GRM8: variants seen among roughly 807,000 people sequenced by gnomAD.
GRM8 encodes the protein glutamate metabotropic receptor 8, also known as metabotropic glutamate receptor 8.
Under a neutral mutation model 87.2 loss-of-function variants are expected in GRM8, and 47 were observed. That is an observed-to-expected ratio of 0.54 (90% CI 0.43 to 0.69). The LOEUF is 0.69. GRM8 is among the 30% of genes least tolerant of loss of function. The pLI is 0.00. For missense variants in GRM8, 1,019 were observed against 1,139.2 expected (o/e 0.89, Z 1.52); for synonymous variants, 396 against 404.5 (o/e 0.98, Z 0.25).
intron 9 of GRM8, among the ~76,000 whole-genome samples, chr7:126,466,269 G>A (rs931299335): frequency 1.3e-5 from 2 of 151,782 alleles, no homozygotes; most frequent in South Asian, 4.2e-4. Flanking sequence ...TTATTAATAG[G>A]ATATAAGAGA....
intron 6 of GRM8, among the ~76,000 whole-genome samples, chr7:126,871,104 G>C (rs752119479): frequency 6.6e-6 from 1 of 152,120 alleles, no homozygotes; most frequent in African/African-American, 2.4e-5. Flanking sequence ...AATGTCTTCT[G>C]AAAATGACTT....
intron 6 of GRM8, among the ~76,000 whole-genome samples, chr7:126,784,336 C>T (rs1006501612): frequency 6.6e-6 from 1 of 152,134 alleles, no homozygotes; most frequent in African/African-American, 2.4e-5. Context: ...AAAATATTTT[C>T]ATCTTTAAAC....
At chr7:126,604,868 C>A (rs1001065388) in intron 8 of GRM8, among the ~76,000 whole-genome samples, 36 of 152,174 alleles carry the variant, frequency 2.4e-4, no homozygotes, top group African/African-American at 8.7e-4. Flanking sequence ...AATTCAGTTT[C>A]TCCTTCAAAT....
At chr7:127,020,228 GAA>G (rs1394457511) in intron 3 of GRM8, among the ~76,000 whole-genome samples, 3 of 152,078 alleles carry the variant, frequency 2.0e-5, no homozygotes, top group Non-Finnish European at 4.4e-5. Context: ...AGCTATGCTA[GAA>G]AAGAACTTTC....
intron 6 of GRM8, among the ~76,000 whole-genome samples, chr7:126,773,924 A>T (rs993338527): frequency 6.6e-6 from 1 of 152,168 alleles, no homozygotes; most frequent in Admixed American, 6.6e-5. Flanking sequence ...CATATTTAAA[A>T]TTGTACTATT....
intron 3 of GRM8, among the ~76,000 whole-genome samples, chr7:127,051,699 A>G (rs1312719121): frequency 7.0e-6 from 1 of 142,200 alleles, no homozygotes; most frequent in East Asian, 2.2e-4. Context: ...CTGGAGTTCC[A>G]TGTATCAACA....
rs542114844 is a variant in GRM8 at position 127,011,211 on chromosome 7, G to A, written c.727+95285C>T. Among the ~76,000 whole-genome samples the A allele has an allele frequency of 6.6e-5, 10 of 152,144 alleles. No individual in the cohort carries two copies. In the East Asian group the frequency reaches 1.2e-3, roughly 18 times the overall value. ...CCTTAAAACTCACAGCAATACTTAC[G>A]AAATTGGACACCCTTGGCCTTTCAC... On this transcript the variant is annotated intron_variant, in intron 3 of 10. Coordinates refer to ENST00000339582, the MANE Select transcript of GRM8 (RefSeq NM_000845.3).
At chr7:126,605,936 T>C (rs1798301061) in intron 8 of GRM8, among the ~76,000 whole-genome samples, 2 of 152,196 alleles carry the variant, frequency 1.3e-5, no homozygotes, top group Non-Finnish European at 2.9e-5. Flanking sequence ...CTCCTTCTAA[T>C]CTGTGAGTTC....
intron 2 of GRM8, among the ~76,000 whole-genome samples, chr7:127,130,232 G>A (rs1827607227): frequency 6.6e-6 from 1 of 152,000 alleles, no homozygotes; most frequent in Non-Finnish European, 1.5e-5. Flanking sequence ...TATTTTTATA[G>A]CAGCATGAGA....
chr7:127,185,357 T>C (rs530759323), intron 2 of GRM8, among the ~76,000 whole-genome samples: 5 of 152,106 alleles, frequency 3.3e-5, no homozygotes, highest in African/African-American at 1.2e-4. Context: ...GGCAATTCAA[T>C]GGAAAAAGAG....
intron 2 of GRM8, among the ~76,000 whole-genome samples, chr7:127,141,922 C>T (rs748271671): frequency 1.3e-5 from 2 of 152,026 alleles, no homozygotes; most frequent in African/African-American, 2.4e-5. Context: ...GCAGCAAATG[C>T]TTTCAGAGCT....
chr7:126,767,373 C>CTT (rs1313679954), intron 7 of GRM8, among the ~76,000 whole-genome samples: 17 of 152,050 alleles, frequency 1.1e-4, no homozygotes, highest in African/African-American at 4.1e-4. Context: ...CCAGAGAAGA[C>CTT]TTCTGCTTTT....
intron 7 of GRM8, among the ~76,000 whole-genome samples, chr7:126,679,328 A>G (rs993012614): frequency 1.3e-5 from 2 of 152,220 alleles, no homozygotes; most frequent in Non-Finnish European, 2.9e-5. Flanking sequence ...GGACGCATGG[A>G]CAAACAATTC....
At chr7:126,809,029 G>A (rs1192650771) in intron 6 of GRM8, among the ~76,000 whole-genome samples, 3 of 152,092 alleles carry the variant, frequency 2.0e-5, no homozygotes, top group Non-Finnish European at 1.5e-5. Context: ...CACCAGAGTT[G>A]CATTAGTCCT....
chr7:126,569,156 A>G (rs949866594), intron 8 of GRM8, among the ~76,000 whole-genome samples: 5 of 152,162 alleles, frequency 3.3e-5, no homozygotes, highest in African/African-American at 1.2e-4. Context: ...AAGATCCACA[A>G]CTATCTAACA....
chr7:127,147,745 C>G (rs1828630743), intron 2 of GRM8, among the ~76,000 whole-genome samples: 1 of 148,912 alleles, frequency 6.7e-6, no homozygotes, highest in Admixed American at 6.7e-5. Context: ...TGCCTGAATC[C>G]TTTTACACTT....
In GRM8 at chr7:127,009,002, T is replaced by G. The variant is rs1449256492; in HGVS notation, c.727+97494A>C. 2.6e-5 allele frequency among the ~76,000 whole-genome samples: 4 copies of G among 152,264 alleles called. No individual in the cohort carries two copies. The East Asian group carries it at 7.7e-4, about 29-fold the overall frequency. ...TCATACACTTCATTTGCATTCTTTC[T>G]TCTTTTAGTTTGCCAGGCTATGTTG... On this transcript the variant is annotated intron_variant, in intron 3 of 10. Coordinates refer to ENST00000339582, the MANE Select transcript of GRM8 (RefSeq NM_000845.3).
In GRM8 at chr7:126,690,239, C is replaced by T. The variant is rs892537148; in HGVS notation, c.1357+79626G>A. Among the ~76,000 whole-genome samples, 9 of 152,326 alleles carry T rather than the reference C, an allele frequency of 5.9e-5. No individual in the cohort carries two copies. The East Asian group carries it at 7.7e-4, about 13-fold the overall frequency. ...TCGGCCTGGCAGGCTGCGCTCAGCT[C>T]GCGCTACTGGCCTGGTTCCCACGCA... On this transcript the variant is annotated intron_variant, in intron 7 of 10. Coordinates refer to ENST00000339582, the MANE Select transcript of GRM8 (RefSeq NM_000845.3).
intron 9 of GRM8, among the ~76,000 whole-genome samples, chr7:126,456,519 TAAAAAAA>T (rs513): frequency 5.7e-5 from 4 of 69,696 alleles, no homozygotes; most frequent in South Asian, 4.3e-4. Context: ...AGCAGCAAGC[TAAAAAAA>T]AAAAAAAAAA....
Sources: gnomAD v4.1 joint callset for allele counts (sites outside exome capture counted in the v4.1 genomes callset) on GRCh38, gnomAD v4.1.1 for gene constraint, MANE v1.5 for transcripts, NCBI Gene and HGNC (gene_info 2026-07-23, HGNC 2026-07-21) for gene names.